The following DAB1 variants were observed in gnomAD, a reference collection of about 807,000 sequenced individuals.
DAB1 encodes the protein disabled homolog 1.
Under a neutral mutation model 64.6 loss-of-function variants are expected in DAB1, and 15 were observed. The ratio of observed to expected loss-of-function variants is 0.23; its 90% CI spans 0.16 to 0.36. The LOEUF (loss-of-function observed/expected upper bound fraction) is 0.36. Ranked by LOEUF, DAB1 falls within the 10% of genes least tolerant of loss-of-function variation. The pLI, the probability that DAB1 is intolerant of heterozygous loss-of-function variation, is 1.00. For missense variants in DAB1, 596 were observed against 706.7 expected, an observed-to-expected ratio of 0.84 and a Z score of 1.78; for synonymous variants, 235 against 251.9, an observed-to-expected ratio of 0.93 and a Z score of 0.64.
At chr1:58,494,596 A>C (rs1434429154) in intron 3 of DAB1, among the ~76,000 whole-genome samples, 2 of 152,120 alleles carry the variant, frequency 1.3e-5, no homozygotes, top group African/African-American at 2.4e-5. Flanking sequence ...ACCCCATCAA[A>C]AAGTGGGTGA....
At chr1:57,518,625 C>T (rs1353183903) in intron 7 of DAB1, among the ~76,000 whole-genome samples, 2 of 152,158 alleles carry the variant, frequency 1.3e-5, no homozygotes. Flanking sequence ...TTCTGCCCCA[C>T]ATCTGGGAAA....
At chr1:57,106,019 G>A (rs534271282) in intron 4 of DAB1, among the ~76,000 whole-genome samples, 8 of 152,200 alleles carry the variant, frequency 5.3e-5, no homozygotes, top group Admixed American at 1.3e-4. Flanking sequence ...TGTAAGCCTC[G>A]GGATCCCGAT....
At chr1:57,690,352 A>G (rs1365581058) in intron 6 of DAB1, among the ~76,000 whole-genome samples, 1 of 152,056 alleles carries the variant, frequency 6.6e-6, no homozygotes, top group Non-Finnish European at 1.5e-5. Flanking sequence ...GTGGGGGGTA[A>G]TTGGATCACG....
At chr1:58,461,889 T>C (rs1240401155) in intron 3 of DAB1, among the ~76,000 whole-genome samples, 1 of 152,210 alleles carries the variant, frequency 6.6e-6, no homozygotes, top group Non-Finnish European at 1.5e-5. Flanking sequence ...CTGCCAGCTA[T>C]ATCATGTTTC....
chr1:57,591,380 T>A lies in DAB1; in HGVS notation n.625+58212A>T, dbSNP rs77550377. ...TGAAATGTTCAGAAAATCAATATTA[T>A]CTCCTTATGATATCACCACAAATGT... On this transcript the variant is annotated intron_variant and non_coding_transcript_variant, in intron 7 of 20. Transcript: ENST00000485760. Among the ~76,000 whole-genome samples, 1,262 of 152,280 alleles carry A rather than the reference T, an allele frequency of 8.3e-3. 10 individuals are homozygous for A. The highest frequency in any genetic ancestry group is 0.012 in the Non-Finnish European group (823 of 68,026).
intron 2 of DAB1, among the ~76,000 whole-genome samples, chr1:58,510,086 A>G (rs896191884): frequency 7.2e-5 from 11 of 152,176 alleles, no homozygotes; most frequent in Admixed American, 1.3e-4. Context: ...AATGACTCTC[A>G]AAGTCTTCCA....
chr1:58,493,488 C>T (rs1645736822), intron 3 of DAB1, among the ~76,000 whole-genome samples: 1 of 151,542 alleles, frequency 6.6e-6, no homozygotes, highest in Non-Finnish European at 1.5e-5. Flanking sequence ...TCCCTGTTTG[C>T]AGATGACATG....
chr1:58,185,379 TG>T (rs1376001441), intron 4 of DAB1, among the ~76,000 whole-genome samples: 2 of 152,176 alleles, frequency 1.3e-5, no homozygotes, highest in Non-Finnish European at 2.9e-5. Flanking sequence ...CTCTAGGGCC[TG>T]CAGCAAATAC....
intron 5 of DAB1, among the ~76,000 whole-genome samples, chr1:58,113,086 T>C (rs1171720097): frequency 6.6e-6 from 1 of 152,090 alleles, no homozygotes. Flanking sequence ...CAGACAAACA[T>C]GCAATTATAG....
chr1:57,873,126 T>C (rs1643981931), intron 1 of DAB1, among the ~76,000 whole-genome samples: 1 of 152,046 alleles, frequency 6.6e-6, no homozygotes, highest in Admixed American at 6.6e-5. Flanking sequence ...GGGTCTTAGG[T>C]GTCAAGCTAA....
chr1:58,263,601 G>A (rs993548024), intron 4 of DAB1, among the ~76,000 whole-genome samples: 3 of 152,186 alleles, frequency 2.0e-5, no homozygotes, highest in Non-Finnish European at 4.4e-5. Context: ...GTTCTGAAAT[G>A]TTAGGGCCCA....
At chr1:57,570,411 T>C (rs1645180333) in intron 7 of DAB1, among the ~76,000 whole-genome samples, 3 of 139,718 alleles carry the variant, frequency 2.1e-5, no homozygotes, top group Admixed American at 7.2e-5. Flanking sequence ...TATATATATA[T>C]ACTGCTTTAG....
intron 1 of DAB1, among the ~76,000 whole-genome samples, chr1:57,842,926 A>G (rs1448416204): frequency 6.6e-6 from 1 of 152,218 alleles, no homozygotes; most frequent in African/African-American, 2.4e-5. Context: ...ATTTATAATC[A>G]AGTGTTGAAT....
chr1:57,400,796 G>C (rs1174291999), intron 1 of DAB1, among the ~76,000 whole-genome samples: 1 of 151,882 alleles, frequency 6.6e-6, no homozygotes, highest in Non-Finnish European at 1.5e-5. Flanking sequence ...GTCATACAAA[G>C]AGCAATCATG....
chr1:57,894,868 A>C (rs1250730404), intron 5 of DAB1, among the ~76,000 whole-genome samples: 1 of 152,154 alleles, frequency 6.6e-6, no homozygotes, highest in Admixed American at 6.5e-5. Context: ...GCACCAATTA[A>C]AACTTTACAG....
At chr1:57,731,326 G>A (rs1414856190) in intron 6 of DAB1, among the ~76,000 whole-genome samples, 1 of 152,114 alleles carries the variant, frequency 6.6e-6, no homozygotes, top group Non-Finnish European at 1.5e-5. Context: ...GGGCCTGGGG[G>A]TGGGGAATTA....
intron 3 of DAB1, among the ~76,000 whole-genome samples, chr1:58,479,203 T>C (rs1004379772): frequency 6.6e-6 from 1 of 152,226 alleles, no homozygotes; most frequent in African/African-American, 2.4e-5. Context: ...GAAAATCTAA[T>C]GCTGTGTTTT....
chr1:57,390,412 G>T (rs1175972204), intron 1 of DAB1, among the ~76,000 whole-genome samples: 2 of 152,124 alleles, frequency 1.3e-5, no homozygotes, highest in African/African-American at 2.4e-5. Context: ...TTTGCAAAAG[G>T]TGTCATTTCA....
chr1:58,491,727 T>C (rs1364002044), intron 3 of DAB1, among the ~76,000 whole-genome samples: 9 of 152,206 alleles, frequency 5.9e-5, no homozygotes, highest in Non-Finnish European at 2.9e-5. Flanking sequence ...ATCCTAAATA[T>C]ATATGCACCC....
Sources: gnomAD v4.1 joint callset for allele counts (sites outside exome capture counted in the v4.1 genomes callset) on GRCh38, gnomAD v4.1.1 for gene constraint, MANE v1.5 for transcripts, NCBI Gene and HGNC (gene_info 2026-07-23, HGNC 2026-07-21) for gene names.